Variants in ANK2 observed in about 807,000 individuals in gnomAD.
ANK2 encodes ankyrin-2.
In ANK2, 83 loss-of-function variants were observed where a neutral mutation model predicts 360.5. That is an observed-to-expected ratio of 0.23 (90% CI 0.19 to 0.28). The LOEUF (loss-of-function observed/expected upper bound fraction) is 0.28, where lower values mean the gene tolerates loss of function less well. ANK2 is among the 10% of genes least tolerant of loss of function. The pLI is 1.00. For missense variants in ANK2, 4,201 were observed against 4,795.7 expected, an observed-to-expected ratio of 0.88 and a Z score of 3.66; for synonymous variants, 1,740 against 1,759.5, an observed-to-expected ratio of 0.99 and a Z score of 0.28.
intron 2 of ANK2, among the ~76,000 whole-genome samples, chr4:112,949,859 A>G (rs1368540332): frequency 6.6e-6 from 1 of 152,230 alleles, no homozygotes; most frequent in Admixed American, 6.5e-5. Flanking sequence ...CAAATTTTAT[A>G]GTGGAGAAAT....
intron 2 of ANK2, among the ~76,000 whole-genome samples, chr4:113,177,126 C>A (rs1191403695): frequency 6.6e-6 from 1 of 152,182 alleles, no homozygotes; most frequent in African/African-American, 2.4e-5. Flanking sequence ...GGTTTCCAGG[C>A]TGGAGTGCGG....
intron 29 of ANK2, 23 bp from the exon 30 acceptor site, chr4:113,335,823 A>T (rs1174592517): frequency 6.2e-7 from 1 of 1,600,198 alleles, no homozygotes; most frequent in Non-Finnish European, 8.6e-7. Flanking sequence ...ATGTGAATGA[A>T]GGTGGGTCAT....
chr4:113,372,493 T>TGACTAAACAA, intron 43 of ANK2: 1 of 1,281,272 alleles, frequency 7.8e-7, no homozygotes, highest in Non-Finnish European at 1.1e-6. Flanking sequence ...AGTCATTCCT[T>TGACTAAACAA]AGCATGTTAA....
At chr4:112,779,450 C>T in the ANK2 span, among the ~76,000 whole-genome samples, 1 of 151,934 alleles carries the variant, frequency 6.6e-6, no homozygotes, top group Non-Finnish European at 1.5e-5. Flanking sequence ...ACCCGGGAGA[C>T]GGAGCTCGTG....
intron 1 of ANK2, among the ~76,000 whole-genome samples, chr4:113,105,683 C>T (rs951651498): frequency 6.6e-6 from 1 of 152,168 alleles, no homozygotes; most frequent in Non-Finnish European, 1.5e-5. Context: ...ATCTGACATG[C>T]TTCACAAACT....
intron 1 of ANK2, among the ~76,000 whole-genome samples, chr4:113,080,685 G>A (rs2082054023): frequency 6.6e-6 from 1 of 152,098 alleles, no homozygotes; most frequent in Non-Finnish European, 1.5e-5. Context: ...TCCTGGCATG[G>A]CCTCCTTACT....
chr4:112,839,366 T>C (rs1311166814), intron 1 of ANK2, among the ~76,000 whole-genome samples: 1 of 152,164 alleles, frequency 6.6e-6, no homozygotes, highest in Non-Finnish European at 1.5e-5. Flanking sequence ...CTTTTTTTTT[T>C]CAATGAAATC....
intron 27 of ANK2, 78 bp downstream of exon 27, chr4:113,330,548 G>A: frequency 6.8e-7 from 1 of 1,466,598 alleles, no homozygotes; most frequent in Non-Finnish European, 9.4e-7. Flanking sequence ...GGATGGAATG[G>A]AAAAAGGTAC....
At chr4:112,952,973 GA>G (rs1490135795) in intron 2 of ANK2, among the ~76,000 whole-genome samples, 1 of 152,156 alleles carries the variant, frequency 6.6e-6, no homozygotes, top group East Asian at 1.9e-4. Flanking sequence ...CATCACTACA[GA>G]AATTGTTGAC....
At chr4:113,372,762 A>G (rs1157605427) in intron 43 of ANK2, 5 of 673,814 alleles carry the variant, frequency 7.4e-6, no homozygotes, top group South Asian at 5.7e-5. Context: ...CTTAACTCTC[A>G]TAAGTTCTGT....
At chr4:113,273,524 C>G (rs902780980) in intron 14 of ANK2, among the ~76,000 whole-genome samples, 1 of 152,182 alleles carries the variant, frequency 6.6e-6, no homozygotes, top group Non-Finnish European at 1.5e-5. Flanking sequence ...CTTTCTTCCT[C>G]TATATACTTT....
At chr4:113,115,280 G>A (rs1374881526) in intron 1 of ANK2, among the ~76,000 whole-genome samples, 1 of 152,194 alleles carries the variant, frequency 6.6e-6, no homozygotes, top group African/African-American at 2.4e-5. Flanking sequence ...AGGTTTTTCA[G>A]ACAAGGGAGT....
At chr4:113,215,504 T>A (rs964637441) in intron 4 of ANK2, among the ~76,000 whole-genome samples, 1 of 152,180 alleles carries the variant, frequency 6.6e-6, no homozygotes, top group Non-Finnish European at 1.5e-5. Flanking sequence ...AATTCTCCAT[T>A]GAGACTGAGA....
chr4:113,295,252 C>T (rs1377758527), intron 22 of ANK2, among the ~76,000 whole-genome samples: 1 of 152,126 alleles, frequency 6.6e-6, no homozygotes, highest in African/African-American at 2.4e-5. Context: ...TCCTCCCCAC[C>T]AGCAACTTCA....
chr4:113,322,436 A>C (rs1328348775), intron 26 of ANK2, among the ~76,000 whole-genome samples: 1 of 152,230 alleles, frequency 6.6e-6, no homozygotes, highest in African/African-American at 2.4e-5. Flanking sequence ...TGATCATAAC[A>C]ACATAATCTT....
intron 2 of ANK2, among the ~76,000 whole-genome samples, chr4:112,935,260 G>A (rs2093634554): frequency 6.6e-6 from 1 of 152,160 alleles, no homozygotes. Flanking sequence ...GATCCAAACT[G>A]TATTTTAAAT....
intron 9 of ANK2, among the ~76,000 whole-genome samples, chr4:113,244,030 C>T (rs761824829): frequency 1.3e-4 from 20 of 151,978 alleles, no homozygotes; most frequent in Non-Finnish European, 2.6e-4. Flanking sequence ...TTTGGGTATA[C>T]AATTAAAAAG....
chr4:113,147,211 G>T (rs1328266017), intron 1 of ANK2, among the ~76,000 whole-genome samples: 1 of 151,950 alleles, frequency 6.6e-6, no homozygotes, highest in East Asian at 1.9e-4. Flanking sequence ...CCAGGGAAGG[G>T]AGATCACCCA....
At chr4:113,016,796 T>TTTAGAACTAAAGA (rs2056764355) in intron 2 of ANK2, among the ~76,000 whole-genome samples, 1 of 152,198 alleles carries the variant, frequency 6.6e-6, no homozygotes, top group African/African-American at 2.4e-5. Flanking sequence ...TCTAAAGAAC[T>TTTAGAACTAAAGA]ACTGAGGACA....
Sources: gnomAD v4.1 joint callset for allele counts (sites outside exome capture counted in the v4.1 genomes callset) on GRCh38, gnomAD v4.1.1 for gene constraint, MANE v1.5 for transcripts, NCBI Gene and HGNC (gene_info 2026-07-23, HGNC 2026-07-21) for gene names.